ERC2: variants seen among roughly 807,000 people sequenced by gnomAD.
The protein encoded by ERC2 is ERC protein 2.
A neutral mutation model predicts 114.8 loss-of-function variants in ERC2; 42 were observed. The observed-to-expected ratio is 0.37, with a 90% confidence interval of 0.29 to 0.47. The LOEUF (loss-of-function observed/expected upper bound fraction) is 0.47. Ranked by LOEUF, ERC2 falls within the 20% of genes least tolerant of loss-of-function variation. The probability of loss-of-function intolerance (pLI) is 0.99; values close to 1 mark genes in which losing one functional copy is unlikely to be tolerated. For missense variants in ERC2, 939 were observed against 1,150.7 expected (o/e 0.82, Z 2.66); for synonymous variants, 454 against 425.5 (o/e 1.07, Z -0.82).
intron 14 of ERC2, among the ~76,000 whole-genome samples, chr3:55,742,626 T>C (rs1355070853): frequency 6.6e-6 from 1 of 152,186 alleles, no homozygotes; most frequent in Non-Finnish European, 1.5e-5. Flanking sequence ...AAAAGTCCGC[T>C]CAATCAACTT....
chr3:55,740,132 C>T (rs961768255), intron 14 of ERC2, among the ~76,000 whole-genome samples: 1 of 152,122 alleles, frequency 6.6e-6, no homozygotes, highest in African/African-American at 2.4e-5. Flanking sequence ...TTCTAATTCT[C>T]ACTTTACTGT....
intron 3 of ERC2, among the ~76,000 whole-genome samples, chr3:56,224,163 T>A (rs1452219): frequency 0.89 from 135,633 of 152,244 alleles, 61,500 homozygotes; most frequent in East Asian, 1. Flanking sequence ...AGCCCTCTCA[T>A]GCTCTGTGGG....
At chr3:56,446,712 A>C (rs1480167939) in intron 1 of ERC2, among the ~76,000 whole-genome samples, 1 of 130,560 alleles carries the variant, frequency 7.7e-6, no homozygotes, top group Non-Finnish European at 1.5e-5. Context: ...TGCACCCTCC[A>C]ACTCCCAGGT....
chr3:55,778,390 G>C (rs977925879), intron 14 of ERC2, among the ~76,000 whole-genome samples: 1 of 152,168 alleles, frequency 6.6e-6, no homozygotes, highest in African/African-American at 2.4e-5. Flanking sequence ...AGGTTATTCT[G>C]TGTGTCTATT....
chr3:55,835,622 T>C (rs538597671), intron 14 of ERC2, among the ~76,000 whole-genome samples: 1 of 152,172 alleles, frequency 6.6e-6, no homozygotes, highest in Non-Finnish European at 1.5e-5. Flanking sequence ...AAGAGCTATC[T>C]ATGAAAAACA....
chr3:56,273,264 T>C (rs1223973382), intron 3 of ERC2, among the ~76,000 whole-genome samples: 3 of 85,156 alleles, frequency 3.5e-5, no homozygotes, highest in African/African-American at 9.3e-5. Flanking sequence ...TTTTCTTTCT[T>C]TTTTTTTTTT....
At chr3:55,759,461 TTAAAAAAAAAAAAA>T (rs1481240675) in intron 14 of ERC2, among the ~76,000 whole-genome samples, 1 of 58,938 alleles carries the variant, frequency 1.7e-5, no homozygotes, top group East Asian at 4.5e-4. Context: ...GTCTCTTTCA[TTAAAAAAAAAAAAA>T]AAAAAAAAAA....
chr3:55,706,405 T>C (rs375831149), intron 15 of ERC2, among the ~76,000 whole-genome samples: 1 of 152,104 alleles, frequency 6.6e-6, no homozygotes, highest in East Asian at 1.9e-4. Context: ...TTTGTTGTTG[T>C]TTGTTTTTTT....
chr3:56,338,245 T>C (rs1331692807), intron 2 of ERC2, among the ~76,000 whole-genome samples: 1 of 152,236 alleles, frequency 6.6e-6, no homozygotes, highest in African/African-American at 2.4e-5. Context: ...GTGTATTGTA[T>C]TGATTCATTA....
At chr3:56,123,896 T>C (rs1046272091) in intron 6 of ERC2, among the ~76,000 whole-genome samples, 4 of 152,228 alleles carry the variant, frequency 2.6e-5, no homozygotes, top group Non-Finnish European at 5.9e-5. Context: ...TCTGGGTCTA[T>C]ACATAAGGAC....
intron 7 of ERC2, among the ~76,000 whole-genome samples, chr3:56,021,890 C>T (rs983746390): frequency 1.3e-5 from 2 of 152,202 alleles, no homozygotes; most frequent in African/African-American, 4.8e-5. Flanking sequence ...TGTTCCCGCA[C>T]AAGACATTAT....
At chr3:55,641,274 G>C (rs577401523) in intron 17 of ERC2, among the ~76,000 whole-genome samples, 1 of 152,264 alleles carries the variant, frequency 6.6e-6, no homozygotes, top group South Asian at 2.1e-4. Flanking sequence ...TATAGGCCAG[G>C]CATGGTGGCT....
intron 2 of ERC2, among the ~76,000 whole-genome samples, chr3:56,326,454 G>A (rs1431690872): frequency 2.0e-5 from 3 of 152,100 alleles, no homozygotes; most frequent in Non-Finnish European, 4.4e-5. Context: ...GCAATAAATT[G>A]GTCAGACTAG....
At chr3:56,294,218 A>G (rs1022410446) in intron 3 of ERC2, among the ~76,000 whole-genome samples, 2 of 152,242 alleles carry the variant, frequency 1.3e-5, no homozygotes, top group African/African-American at 2.4e-5. Context: ...GCTCTACTGT[A>G]TTTGTTATCT....
chr3:55,712,651 T>C (rs1312536909), intron 15 of ERC2, among the ~76,000 whole-genome samples: 1 of 152,178 alleles, frequency 6.6e-6, no homozygotes, highest in East Asian at 1.9e-4. Context: ...TCACTGGAGA[T>C]GGGAGACTCA....
intron 4 of ERC2, among the ~76,000 whole-genome samples, chr3:56,165,700 G>A (rs1038546337): frequency 2.6e-5 from 4 of 151,908 alleles, no homozygotes; most frequent in Non-Finnish European, 5.9e-5. Flanking sequence ...TAATACCAGT[G>A]TAAGTGATAT....
At chr3:56,332,868 C>A (rs184468470) in intron 2 of ERC2, among the ~76,000 whole-genome samples, 1 of 152,046 alleles carries the variant, frequency 6.6e-6, no homozygotes, top group East Asian at 1.9e-4. Flanking sequence ...CTGAGAGACA[C>A]TTTTCAATGG....
chr3:55,737,467 A>G (rs1037888498), intron 14 of ERC2, among the ~76,000 whole-genome samples: 2 of 152,178 alleles, frequency 1.3e-5, no homozygotes, highest in Non-Finnish European at 2.9e-5. Context: ...TAAATCGGGG[A>G]GAGCCTATTT....
At chr3:56,001,401 T>C (rs1283090586) in intron 10 of ERC2, among the ~76,000 whole-genome samples, 2 of 152,278 alleles carry the variant, frequency 1.3e-5, no homozygotes, top group South Asian at 2.1e-4. Context: ...TCCATCATGC[T>C]GCATCCCTAT....
Sources: allele counts gnomAD v4.1 joint callset (sites outside exome capture counted in the v4.1 genomes callset), GRCh38; gene constraint gnomAD v4.1.1; transcripts MANE v1.5; gene names NCBI Gene and HGNC (gene_info 2026-07-23, HGNC 2026-07-21).